CPQ: variants seen among roughly 807,000 people sequenced by gnomAD.
CPQ encodes carboxypeptidase Q.
Under a neutral mutation model 45.7 loss-of-function variants are expected in CPQ, and 37 were observed. The observed-to-expected ratio is 0.81, with a 90% CI of 0.62 to 1.07. CPQ has a LOEUF of 1.07. Among genes scored for constraint, CPQ ranks in the 50% least tolerant of loss-of-function variants. The pLI, the probability that CPQ is intolerant of heterozygous loss-of-function variation, is 0.00. For synonymous variants in CPQ, 186 were observed against 205.8 expected (o/e 0.90, Z 0.82); for missense variants, 537 against 572.9 (o/e 0.94, Z 0.64).
intron 2 of CPQ, among the ~76,000 whole-genome samples, chr8:96,813,852 C>T (rs1231079038): frequency 6.6e-6 from 1 of 152,098 alleles, no homozygotes; most frequent in Non-Finnish European, 1.5e-5. Flanking sequence ...TTAATTTTGA[C>T]ACCTGGGCAG....
chr8:96,740,806 A>T (rs1423859430), intron 1 of CPQ, among the ~76,000 whole-genome samples: 3 of 152,194 alleles, frequency 2.0e-5, no homozygotes, highest in Non-Finnish European at 4.4e-5. Flanking sequence ...CATCCCAGGG[A>T]TGAAGCCCAC....
chr8:96,836,253 C>T (rs1811529215), intron 3 of CPQ, among the ~76,000 whole-genome samples: 1 of 152,128 alleles, frequency 6.6e-6, no homozygotes, highest in Non-Finnish European at 1.5e-5. Context: ...TAGCACCCTA[C>T]ACCCCTGAAA....
At chr8:96,873,583 T>C (rs1812108584) in intron 3 of CPQ, among the ~76,000 whole-genome samples, 1 of 151,758 alleles carries the variant, frequency 6.6e-6, no homozygotes, top group African/African-American at 2.4e-5. Flanking sequence ...AGCTTTTCTA[T>C]TAAGCAAAAT....
chr8:97,122,761 T>C (rs1563586640), intron 7 of CPQ, among the ~76,000 whole-genome samples: 1 of 151,044 alleles, frequency 6.6e-6, no homozygotes. Flanking sequence ...GGCGTGCACC[T>C]GTAATCCCAG....
intron 1 of CPQ, among the ~76,000 whole-genome samples, chr8:96,776,343 G>T (rs978955396): frequency 6.6e-6 from 1 of 152,178 alleles, no homozygotes; most frequent in Admixed American, 6.5e-5. Context: ...ATTTATATCA[G>T]TGAATCCTGT....
At chr8:96,861,410 G>A (rs1811924194) in intron 3 of CPQ, among the ~76,000 whole-genome samples, 1 of 152,034 alleles carries the variant, frequency 6.6e-6, no homozygotes. Context: ...AATGAAAGGG[G>A]GAAAAGCAAT....
At chr8:96,793,751 C>T (rs1362080732) in intron 2 of CPQ, among the ~76,000 whole-genome samples, 1 of 152,214 alleles carries the variant, frequency 6.6e-6, no homozygotes, top group East Asian at 1.9e-4. Context: ...AAGCTAGTTA[C>T]TTCCTAGATA....
chr8:96,938,365 C>A lies in CPQ; in HGVS notation c.850-27570C>A, dbSNP rs974472396. On this transcript the variant is annotated intron_variant, in intron 4 of 7. Transcript: ENST00000220763. ...TGAACTAGCATGGTGCCATTACACTCCAGTCTAGGTGACAGAGCAGGACCC... is the reference window on the plus strand; with the variant it reads ...TGAACTAGCATGGTGCCATTACACTACAGTCTAGGTGACAGAGCAGGACCC... Among the ~76,000 whole-genome samples the A allele has an allele frequency of 5.9e-5, 9 of 152,098 alleles. 1 individual carries two copies. The highest frequency in any genetic ancestry group is 2.2e-4 in the African/African-American group (9 of 41,424).
chr8:97,134,064 C>T (rs775304963), intron 7 of CPQ, among the ~76,000 whole-genome samples: 3 of 152,166 alleles, frequency 2.0e-5, no homozygotes, highest in Non-Finnish European at 4.4e-5. Flanking sequence ...GAGAGTAGAA[C>T]TCCCAGAAAG....
At chr8:97,038,753 A>G (rs928247964) in intron 6 of CPQ, among the ~76,000 whole-genome samples, 2 of 148,446 alleles carry the variant, frequency 1.3e-5, no homozygotes, top group African/African-American at 5.0e-5. Context: ...TCTCTACTCA[A>G]CTCTCATTGT....
chr8:97,035,997 A>G lies in CPQ; in HGVS notation c.1053+6503A>G, dbSNP rs562115645. 1.2e-4 allele frequency among the ~76,000 whole-genome samples: 19 copies of G among 152,252 alleles called. 1 individual carries two copies. The South Asian group carries it at 3.1e-3, about 25-fold the overall frequency. On this transcript the variant is annotated intron_variant, in intron 6 of 7. Coordinates refer to ENST00000220763, the MANE Select transcript of CPQ (RefSeq NM_016134.4). ...GCTGGGATTACAGGCGTGAGCCACC[A>G]TGCCCGGCCGCCTTAAGACTATCTT...
intron 4 of CPQ, among the ~76,000 whole-genome samples, chr8:96,919,256 C>T (rs1247845599): frequency 7.9e-5 from 12 of 152,230 alleles, no homozygotes; most frequent in East Asian, 7.7e-4. Context: ...CTCATGCGAC[C>T]TCTTTGGAGA....
Position 96,922,553 on chromosome 8 carries a change from G to A in CPQ, c.849+42548G>A, listed in dbSNP as rs554984060. ...ATGATTGAAAACTATTTGACTGACT[G>A]GTGGCCAAAACATGAGGCAGGGACC... On this transcript the variant is annotated intron_variant, in intron 4 of 7. Transcript: ENST00000220763. 3.9e-5 allele frequency among the ~76,000 whole-genome samples: 6 copies of A among 152,254 alleles called. No homozygotes were observed. The South Asian group carries it at 1.2e-3, about 32-fold the overall frequency.
intron 4 of CPQ, among the ~76,000 whole-genome samples, chr8:96,882,343 A>G (rs1052748922): frequency 3.3e-5 from 5 of 152,228 alleles, no homozygotes; most frequent in Non-Finnish European, 5.9e-5. Context: ...ACTGATAACA[A>G]CAGAAGAGCC....
chr8:96,691,774 C>T (rs1474239390), intron 1 of CPQ, among the ~76,000 whole-genome samples: 1 of 152,168 alleles, frequency 6.6e-6, no homozygotes, highest in Non-Finnish European at 1.5e-5. Context: ...CAAAGCCCAG[C>T]TAGTCCTCAG....
At chr8:96,756,435 A>G (rs1586388375) in intron 1 of CPQ, among the ~76,000 whole-genome samples, 1 of 152,066 alleles carries the variant, frequency 6.6e-6, no homozygotes, top group African/African-American at 2.4e-5. Flanking sequence ...TAAATTTTCT[A>G]TACTTTGTAG....
chr8:96,926,876 G>A (rs996644815), intron 4 of CPQ, among the ~76,000 whole-genome samples: 1 of 151,860 alleles, frequency 6.6e-6, no homozygotes, highest in Non-Finnish European at 1.5e-5. Flanking sequence ...CCCTCCCTGT[G>A]TCCATGTGTT....
chr8:97,127,548 G>A (rs1266972199), intron 7 of CPQ, among the ~76,000 whole-genome samples: 1 of 152,042 alleles, frequency 6.6e-6, no homozygotes, highest in Non-Finnish European at 1.5e-5. Flanking sequence ...AATTAGCCAG[G>A]CGTGGTGGCA....
In CPQ at chr8:97,006,367, G is replaced by A. The variant is rs898001086; in HGVS notation, c.962-23036G>A. On this transcript the variant is annotated intron_variant, in intron 5 of 7. Coordinates refer to ENST00000220763, the MANE Select transcript of CPQ (RefSeq NM_016134.4). The stretch of plus-strand genomic sequence containing the variant: ...ATACAAACCCGACCCAAAAAAGGGT[G>A]TCAGGGGCTTGAATCCAGCAGGCAC... Among the ~76,000 whole-genome samples the A allele has an allele frequency of 3.9e-5, 6 of 152,248 alleles. No individual in the cohort carries two copies. In the East Asian group the frequency reaches 1.2e-3, roughly 29 times the overall value.
Sources: gnomAD v4.1 joint callset for allele counts (sites outside exome capture counted in the v4.1 genomes callset) on GRCh38, gnomAD v4.1.1 for gene constraint, MANE v1.5 for transcripts, NCBI Gene and HGNC (gene_info 2026-07-23, HGNC 2026-07-21) for gene names.